The following CTNNA3 variants were observed in gnomAD, a reference collection of about 807,000 sequenced individuals.
The protein encoded by CTNNA3 is catenin alpha-3.
Under a neutral mutation model 95.7 loss-of-function variants are expected in CTNNA3, and 76 were observed. That is an observed-to-expected ratio of 0.79 (90% CI 0.66 to 0.96). The LOEUF (loss-of-function observed/expected upper bound fraction) is 0.96. Among genes scored for constraint, CTNNA3 ranks in the 40% least tolerant of loss-of-function variants. The probability of loss-of-function intolerance (pLI) is 0.00; values close to 1 mark genes in which losing one functional copy is unlikely to be tolerated. For missense variants in CTNNA3, 1,191 were observed against 1,089.8 expected (o/e 1.09, Z -1.31); for synonymous variants, 431 against 374.4 (o/e 1.15, Z -1.74).
intron 7 of CTNNA3, among the ~76,000 whole-genome samples, chr10:67,016,030 C>T (rs1159133335): frequency 1.3e-5 from 1 of 76,174 alleles, no homozygotes; most frequent in Non-Finnish European, 3.8e-5. Flanking sequence ...GCTGTATACT[C>T]TCTTCTTTGA....
chr10:67,324,560 A>C (rs1251941972), intron 5 of CTNNA3, among the ~76,000 whole-genome samples: 2 of 152,164 alleles, frequency 1.3e-5, no homozygotes, highest in East Asian at 3.8e-4. Context: ...CATACATTGA[A>C]CCAACCTTGC....
rs59187647 is a variant in CTNNA3 at position 66,634,572 on chromosome 10, GGTGTGTGT to G, written c.1282-12796_1282-12789del. Among the ~76,000 whole-genome samples, 1,446 of 146,176 alleles carry G rather than the reference GGTGTGTGT, an allele frequency of 9.9e-3. 26 individuals are homozygous for G. Among genetic ancestry groups the G allele is most frequent in the African/African-American group, 0.034 (1,344 of 39,412 alleles). ...ATGTTTGGAAAGGTACTCTGTGCAT[GGTGTGTGT>G]GTGTGTGTGTGTGTGTGTGTGTGTG... On this transcript the variant is annotated intron_variant, in intron 9 of 17. Transcript: ENST00000433211.
intron 12 of CTNNA3, among the ~76,000 whole-genome samples, chr10:66,377,111 A>T (rs2092801408): frequency 6.6e-6 from 1 of 152,182 alleles, no homozygotes; most frequent in African/African-American, 2.4e-5. Flanking sequence ...TTTGGAGAAT[A>T]GTTTGGAATT....
chr10:66,882,919 C>T (rs1334133903), intron 7 of CTNNA3, among the ~76,000 whole-genome samples: 1 of 152,016 alleles, frequency 6.6e-6, no homozygotes, highest in East Asian at 1.9e-4. Flanking sequence ...CAGTTCTTAA[C>T]ATATTAGGAA....
intron 13 of CTNNA3, among the ~76,000 whole-genome samples, chr10:66,179,156 T>C (rs1019014307): frequency 1.3e-5 from 2 of 152,010 alleles, no homozygotes; most frequent in Non-Finnish European, 2.9e-5. Flanking sequence ...GACATCCTGA[T>C]ATGCTTTAAT....
chr10:65,974,646 C>A (rs2078175774), intron 16 of CTNNA3, among the ~76,000 whole-genome samples: 1 of 152,058 alleles, frequency 6.6e-6, no homozygotes, highest in Non-Finnish European at 1.5e-5. Flanking sequence ...GGGTACTATG[C>A]TCACTACCTG....
intron 13 of CTNNA3, among the ~76,000 whole-genome samples, chr10:66,146,399 C>T (rs1285449421): frequency 2.6e-5 from 4 of 152,146 alleles, no homozygotes; most frequent in African/African-American, 9.7e-5. Context: ...ACAGGAGTTA[C>T]TCCAAACTTT....
intron 3 of CTNNA3, among the ~76,000 whole-genome samples, chr10:67,566,765 C>G (rs933671207): frequency 1.3e-5 from 2 of 152,012 alleles, no homozygotes; most frequent in African/African-American, 4.8e-5. Flanking sequence ...AGACTTGGAA[C>G]CAACCCAAAT....
At chr10:66,896,732 C>T (rs1414517852) in intron 7 of CTNNA3, among the ~76,000 whole-genome samples, 5 of 152,190 alleles carry the variant, frequency 3.3e-5, no homozygotes, top group African/African-American at 4.8e-5. Flanking sequence ...CTCTTGCTAG[C>T]GTCCATGCTC....
intron 7 of CTNNA3, among the ~76,000 whole-genome samples, chr10:67,122,988 G>A (rs1859541493): frequency 6.6e-6 from 1 of 152,090 alleles, no homozygotes; most frequent in African/African-American, 2.4e-5. Flanking sequence ...AAATAGGGCT[G>A]CAGCAGTATC....
At chr10:66,006,636 G>C (rs1268034860) in intron 15 of CTNNA3, among the ~76,000 whole-genome samples, 1 of 152,042 alleles carries the variant, frequency 6.6e-6, no homozygotes, top group Non-Finnish European at 1.5e-5. Flanking sequence ...TTCTTACAGA[G>C]CCTGGGCATT....
intron 13 of CTNNA3, among the ~76,000 whole-genome samples, chr10:66,258,917 CTAA>C (rs1356766825): frequency 2.0e-5 from 3 of 152,100 alleles, no homozygotes; most frequent in African/African-American, 7.2e-5. Context: ...GAAGTGAAAA[CTAA>C]TGTCCAAAAA....
intron 5 of CTNNA3, among the ~76,000 whole-genome samples, chr10:67,405,471 G>C (rs1845104218): frequency 6.6e-6 from 1 of 151,986 alleles, no homozygotes; most frequent in Non-Finnish European, 1.5e-5. Flanking sequence ...AATGATAAAG[G>C]GTTCAATTCA....
chr10:66,367,901 T>A (rs998949633), intron 12 of CTNNA3, among the ~76,000 whole-genome samples: 1,651 of 82,278 alleles, frequency 0.02, 13 homozygotes, highest in South Asian at 0.034. Context: ...TTATTATTAT[T>A]ATTATTATTA....
intron 7 of CTNNA3, among the ~76,000 whole-genome samples, chr10:66,848,083 ATG>A (rs949882225): frequency 1.2e-4 from 19 of 152,170 alleles, no homozygotes; most frequent in African/African-American, 4.6e-4. Context: ...GATGGTAAAA[ATG>A]AGAGAAACAG....
intron 5 of CTNNA3, among the ~76,000 whole-genome samples, chr10:67,241,255 T>C (rs528430931): frequency 1.3e-5 from 2 of 152,124 alleles, no homozygotes; most frequent in East Asian, 3.9e-4. Context: ...ACCCCATCTC[T>C]ACTAAAAAAA....
chr10:67,521,804 T>C lies in CTNNA3; in HGVS notation c.579+38A>G, dbSNP rs762029527. 8.1e-6 allele frequency: 13 copies of C among 1,600,170 alleles called. 1 individual carries two copies. The highest frequency in any genetic ancestry group is 4.5e-5 in the East Asian group (2 of 44,782). ...AGGCAGGATGGCAGGAAGCCTAAAG[T>C]GTTCATCTCCTCCACCAAGGAGAGC... On this transcript the variant is annotated intron_variant, in intron 5 of 17. Coordinates refer to ENST00000433211, the MANE Select transcript of CTNNA3 (RefSeq NM_013266.4).
chr10:66,052,043 C>A (rs1352031119), intron 15 of CTNNA3, among the ~76,000 whole-genome samples: 1 of 151,968 alleles, frequency 6.6e-6, no homozygotes, highest in Non-Finnish European at 1.5e-5. Context: ...TAAATTGGCA[C>A]ATGATATGAA....
chr10:66,739,772 T>C (rs755651873), intron 9 of CTNNA3, among the ~76,000 whole-genome samples: 2 of 152,186 alleles, frequency 1.3e-5, no homozygotes, highest in Non-Finnish European at 2.9e-5. Context: ...AATACAAAAA[T>C]TGAGCTAAGT....
Sources: gnomAD v4.1 joint callset for allele counts (sites outside exome capture counted in the v4.1 genomes callset) on GRCh38, gnomAD v4.1.1 for gene constraint, MANE v1.5 for transcripts, NCBI Gene and HGNC (gene_info 2026-07-23, HGNC 2026-07-21) for gene names.